LRRC53: variants seen among roughly 807,000 people sequenced by gnomAD.
LRRC53 encodes the protein leucine rich repeat containing 53, also known as leucine-rich repeat-containing protein 53.
LRRC53 carries 25 observed loss-of-function variants against 13.6 expected under a neutral mutation model. The observed-to-expected ratio is 1.83, with a 90% CI of 1.34 to 2.56. LRRC53 has a LOEUF of 2.56. Among genes scored for constraint, LRRC53 ranks in the 30% most tolerant of loss-of-function variants. LRRC53 has a pLI of 0.00. For synonymous variants in LRRC53, 204 were observed against 109.8 expected, an observed-to-expected ratio of 1.86 and a Z score of -5.37; for missense variants, 527 against 275.8, an observed-to-expected ratio of 1.91 and a Z score of -6.45.
chr1:74,481,462 A>G (rs781758204), intron 2 of LRRC53, among the ~76,000 whole-genome samples: 34 of 152,252 alleles, frequency 2.2e-4, no homozygotes, highest in Non-Finnish European at 4.3e-4. Flanking sequence ...GCGAGTTGGG[A>G]TGGGGAGAGT....
chr1:74,479,443 T>G (rs146087858), intron 3 of LRRC53, among the ~76,000 whole-genome samples: 246 of 152,300 alleles, frequency 1.6e-3, no homozygotes, highest in African/African-American at 5.6e-3. Flanking sequence ...CAAGTTTACA[T>G]AGAGTTGGAC....
At chr1:74,512,765 C>G (rs759098287), upstream of LRRC53, among the ~76,000 whole-genome samples, 10 of 152,172 alleles carry the variant, frequency 6.6e-5, no homozygotes, top group Non-Finnish European at 1.5e-4. Flanking sequence ...CTACCACTGA[C>G]GGGTTGCTAT....
the LRRC53 span, among the ~76,000 whole-genome samples, chr1:74,531,453 C>CAGAGGAAAGGTGGGCTA: frequency 6.6e-6 from 1 of 151,988 alleles, no homozygotes; most frequent in Non-Finnish European, 1.5e-5. Flanking sequence ...CTCTTTAGGC[C>CAGAGGAAAGGTGGGCTA]AGAGGAAAGG....
intron 1 of LRRC53, chr1:74,492,331 A>T: frequency 7.2e-7 from 1 of 1,390,614 alleles, no homozygotes. Context: ...AAGACAGTCA[A>T]CTGATTTGAT....
At chr1:74,507,400 T>G (rs561832257) in intron 1 of LRRC53, among the ~76,000 whole-genome samples, 1 of 152,288 alleles carries the variant, frequency 6.6e-6, no homozygotes, top group African/African-American at 2.4e-5. Context: ...ATTATTGTAA[T>G]TATTGATGTC....
intron 3 of LRRC53, 89 bp downstream of exon 3, chr1:74,480,064 C>T (rs1668402773): frequency 3.2e-6 from 2 of 623,378 alleles, no homozygotes; most frequent in East Asian, 5.5e-5. Context: ...CCCTGGCAAC[C>T]AAGTGTCTGA....
intron 1 of LRRC53, among the ~76,000 whole-genome samples, chr1:74,488,055 T>C (rs1668857141): frequency 6.6e-6 from 1 of 152,194 alleles, no homozygotes; most frequent in South Asian, 2.1e-4. Context: ...CAGGCTATTT[T>C]AATGATCATT....
chr1:74,500,833 T>A (rs192075561), intron 1 of LRRC53, among the ~76,000 whole-genome samples: 20 of 152,068 alleles, frequency 1.3e-4, no homozygotes, highest in African/African-American at 4.8e-4. Flanking sequence ...TAAAATTTCA[T>A]CTATGAATCT....
At chr1:74,489,395 T>C in intron 1 of LRRC53, 2 of 768,670 alleles carry the variant, frequency 2.6e-6, no homozygotes, top group Admixed American at 3.6e-5. Context: ...TAAATTCCTA[T>C]GGTGGAGCAG....
intron 1 of LRRC53, among the ~76,000 whole-genome samples, chr1:74,488,851 T>C (rs1373151300): frequency 6.6e-6 from 1 of 152,232 alleles, no homozygotes; most frequent in East Asian, 1.9e-4. Flanking sequence ...GGCACTGAGA[T>C]AGTTAATAGT....
chr1:74,532,627 C>T, the LRRC53 span, among the ~76,000 whole-genome samples: 6 of 151,298 alleles, frequency 4.0e-5, no homozygotes, highest in South Asian at 2.1e-4. Flanking sequence ...CCTCCCCCCT[C>T]GCCCCACCCC....
At chr1:74,481,057 G>A in intron 2 of LRRC53, 89 bp from the exon 3 acceptor site, 1 of 610,286 alleles carries the variant, frequency 1.6e-6, no homozygotes. Context: ...AATATCCTCT[G>A]AGCAATCTTA....
At chr1:74,526,796 G>A in the LRRC53 span, among the ~76,000 whole-genome samples, 4 of 152,162 alleles carry the variant, frequency 2.6e-5, no homozygotes, top group Non-Finnish European at 4.4e-5. Flanking sequence ...AGAGCAACAC[G>A]TATAGGACTT....
At chr1:74,497,660 C>T (rs1669398591) in intron 1 of LRRC53, among the ~76,000 whole-genome samples, 1 of 151,974 alleles carries the variant, frequency 6.6e-6, no homozygotes, top group South Asian at 2.1e-4. Context: ...ATTTATTCAG[C>T]CTTGACCTCT....
chr1:74,481,984 T>A (rs1407286412), intron 2 of LRRC53, among the ~76,000 whole-genome samples: 1 of 152,124 alleles, frequency 6.6e-6, no homozygotes, highest in African/African-American at 2.4e-5. Flanking sequence ...ATTCTCAGAG[T>A]GCCTTCTTTT....
At position 74,471,341 on chromosome 1, in the gene LRRC53, T is replaced by C; in HGVS notation, c.2281A>G (p.Lys761Glu). The C allele has an allele frequency of 2.5e-6, 1 of 400,728 alleles. No homozygotes were observed. The highest frequency in any genetic ancestry group is 4.4e-6 in the Non-Finnish European group (1 of 226,174). The allele number at this position is 400,728 out of a possible 1,614,324, so 24.8% of individuals were successfully genotyped here. Residue 761 changes from lysine (K) to glutamate (E), a missense_variant, in exon 5 of 5, where the codon AAA (lysine) becomes GAA (glutamate). Lys to Glu is a moderately conservative substitution (Grantham distance 56). Transcript: ENST00000294635. ...KLSKTSETEA[K>E]INTVCSADFL... The stretch of plus-strand genomic sequence containing the variant: ...TCTGCAGAACACACAGTATTTATTT[T>C]GGCTTCTGTCTCAGAAGTTTTGGAT...
chr1:74,507,448 G>C (rs541344519), intron 1 of LRRC53, among the ~76,000 whole-genome samples: 1 of 151,998 alleles, frequency 6.6e-6, no homozygotes, highest in Non-Finnish European at 1.5e-5. Flanking sequence ...ACATGCGCAC[G>C]CACTTACACA....
chr1:74,481,887 C>A (rs374798726), intron 2 of LRRC53, among the ~76,000 whole-genome samples: 24 of 152,222 alleles, frequency 1.6e-4, no homozygotes, highest in South Asian at 1.2e-3. Context: ...GAATAGTCAA[C>A]CCCAGGGAAG....
intron 1 of LRRC53, among the ~76,000 whole-genome samples, chr1:74,494,778 A>G (rs1435538761): frequency 6.6e-6 from 1 of 152,220 alleles, no homozygotes; most frequent in Non-Finnish European, 1.5e-5. Flanking sequence ...TACTGATAAT[A>G]ATACCAGATC....
Sources: gnomAD v4.1 joint callset for allele counts (sites outside exome capture counted in the v4.1 genomes callset) on GRCh38, gnomAD v4.1.1 for gene constraint, MANE v1.5 for transcripts, NCBI Gene and HGNC (gene_info 2026-07-23, HGNC 2026-07-21) for gene names.